CHD1: variants seen among roughly 807,000 people sequenced by gnomAD.
The protein encoded by CHD1 is ATP-dependent chromatin remodeler CHD1.
Under a neutral mutation model 224.2 loss-of-function variants are expected in CHD1, and 36 were observed. That is an observed-to-expected ratio of 0.16 (90% confidence interval 0.12 to 0.21). The LOEUF is 0.21. Ranked by LOEUF, CHD1 falls within the 10% of genes least tolerant of loss-of-function variation. The pLI is 1.00. For synonymous variants in CHD1, 668 were observed against 658.3 expected (o/e 1.01, Z -0.23); for missense variants, 1,378 against 1,994.8 (o/e 0.69, Z 5.89).
At chr5:98,872,307 TCTTC>T in intron 27 of CHD1, 106 bp from the exon 28 acceptor site, 2 of 1,476,694 alleles carry the variant, frequency 1.4e-6, no homozygotes, top group South Asian at 1.3e-5. Flanking sequence ...ATGCTTTATT[TCTTC>T]CTTTTTTTTT....
intron 15 of CHD1, among the ~76,000 whole-genome samples, chr5:98,891,528 G>A (rs1218137696): frequency 2.6e-5 from 4 of 152,076 alleles, no homozygotes; most frequent in Non-Finnish European, 5.9e-5. Flanking sequence ...AGGGAAGCTG[G>A]GGCTGGGCAC....
chr5:98,893,067 C>T (rs1427361890), intron 14 of CHD1, among the ~76,000 whole-genome samples: 1 of 152,076 alleles, frequency 6.6e-6, no homozygotes, highest in Non-Finnish European at 1.5e-5. Flanking sequence ...CTTGTCTAGT[C>T]TAGTTTTCCT....
intron 32 of CHD1, among the ~76,000 whole-genome samples, chr5:98,862,592 T>G (rs888103401): frequency 3.3e-5 from 5 of 152,224 alleles, no homozygotes; most frequent in African/African-American, 1.2e-4. Flanking sequence ...TTGCTCATTT[T>G]TAAATTTACT....
At position 98,855,097 on chromosome 5, in the gene CHD1, T is replaced by C. The variant is rs144756254; in HGVS notation, c.*1283A>G. ...TATTCAACTGCTTACCAAAATACTT[T>C]TTCTGGCAGCAAAATGTTACTTAAA... is the stretch of plus-strand genomic sequence containing the variant. On this transcript the variant is annotated 3_prime_UTR_variant, in exon 36 of 36. Transcript: ENST00000614616. The C allele has an allele frequency of 1.2e-4, 18 of 152,494 alleles. No homozygotes were observed. The East Asian group carries it at 3.1e-3, about 26-fold the overall frequency. The allele number at this position is 152,494 out of a possible 1,614,324, so 9.4% of individuals were successfully genotyped here.
intron 30 of CHD1, 124 bp downstream of exon 30, chr5:98,869,620 GCGCACACACA>G (rs200295858): frequency 0.015 from 10,946 of 753,710 alleles, 142 homozygotes; most frequent in African/African-American, 0.089. Flanking sequence ...GCACGTGCGC[GCGCACACACA>G]CACACACACA....
At position 98,856,775 on chromosome 5, in the gene CHD1, T is replaced by C. The variant is rs760306361; in HGVS notation, c.4788-50A>G. 39 of 1,192,812 alleles carry C rather than the reference T, an allele frequency of 3.3e-5. No homozygotes were observed. The African/African-American group carries it at 5.4e-4, about 17-fold the overall frequency. 73.9% of individuals were successfully genotyped at this position (1,192,812 alleles called of 1,614,324 possible). ...TAGACAAATCATGCAAATTAAAATGTTTCCAAATAAAAGATAACTAAAAAA... is the reference window on the plus strand; with the variant it reads ...TAGACAAATCATGCAAATTAAAATGCTTCCAAATAAAAGATAACTAAAAAA... On this transcript the variant is annotated intron_variant, in intron 35 of 35. Transcript: ENST00000614616.
Position 98,888,227 on chromosome 5 carries a change from C to G in CHD1, c.2357G>C (p.Ser786Thr), listed in dbSNP as rs771575470. The change falls in exon 17 of 36, where the codon AGT (serine) becomes ACT (threonine). Residue 786 changes from serine (S) to threonine (T), a missense_variant. This residue lies in a region of CHD1 where 58 missense variants were observed against 90.0 expected (regional missense o/e 0.64). Transcript: ENST00000614616. Reference protein sequence around the residue: ...KQEALQHLIRSSGKLILLDKL... With the variant: ...KQEALQHLIRTSGKLILLDKL... ...GTCAAGAAGAATCAATTTTCCGCTA[C>G]TACGAATTAAGTGCTACAGAAACAA... 2.5e-6 allele frequency: 4 copies of G among 1,607,562 alleles called. No individual in the cohort carries two copies. The African/African-American group carries it at 5.4e-5, about 22-fold the overall frequency.
intron 28 of CHD1, among the ~76,000 whole-genome samples, chr5:98,871,538 G>A (rs1349348875): frequency 6.6e-6 from 1 of 151,916 alleles, no homozygotes; most frequent in African/African-American, 2.4e-5. Context: ...CAAATATATA[G>A]TTAGATGGAA....
chr5:98,917,713 G>T (rs1382337903), intron 2 of CHD1, among the ~76,000 whole-genome samples: 1 of 152,174 alleles, frequency 6.6e-6, no homozygotes, highest in East Asian at 1.9e-4. Context: ...TGTTTGAATA[G>T]AACTTTGCAC....
chr5:98,870,894 A>G (rs746810749), intron 28 of CHD1, 91 bp from the exon 29 acceptor site: 38 of 586,892 alleles, frequency 6.5e-5, no homozygotes, highest in Non-Finnish European at 9.2e-5. Context: ...AAATATATAT[A>G]TAGTTCACCA....
chr5:98,905,499 T>C (rs1751990677), intron 2 of CHD1, among the ~76,000 whole-genome samples: 3 of 151,024 alleles, frequency 2.0e-5, no homozygotes, highest in Admixed American at 2.0e-4. Flanking sequence ...AAGTAAGAAA[T>C]GTGTGAAGAA....
intron 2 of CHD1, among the ~76,000 whole-genome samples, chr5:98,916,043 T>C (rs1752706989): frequency 1.3e-5 from 2 of 151,790 alleles, no homozygotes; most frequent in Admixed American, 1.3e-4. Context: ...ATACAAAAAA[T>C]TAGCCAGGCA....
intron 30 of CHD1, 62 bp from the exon 31 acceptor site, chr5:98,868,697 T>A: frequency 1.4e-6 from 2 of 1,397,740 alleles, no homozygotes; most frequent in Non-Finnish European, 1.9e-6. Flanking sequence ...GCAAAATGAC[T>A]AACACTTCCA....
At chr5:98,915,390 A>C (rs980917159) in intron 2 of CHD1, among the ~76,000 whole-genome samples, 1 of 151,944 alleles carries the variant, frequency 6.6e-6, no homozygotes, top group Non-Finnish European at 1.5e-5. Context: ...AAAACTGTTA[A>C]AAGTGGAGAG....
chr5:98,860,064 G>A lies in CHD1; in HGVS notation c.4432C>T (p.Leu1478=). The change falls in exon 33 of 36, where the codon CTG becomes TTG. Residue 1478 remains leucine (L), a synonymous_variant. Transcript: ENST00000614616. The part of the protein sequence containing the change: ...PEQIKQWRKN[L]WIFVSKFTEF... ...GTAAACTTAGATACAAAAATCCACA[G>A]GTTTCTAGAAGAATTTAAAAAAAGG... 6.6e-7 allele frequency: 1 copy of A among 1,517,692 alleles called. No individual in the cohort carries two copies. The highest frequency in any genetic ancestry group is 9.1e-7 in the Non-Finnish European group (1 of 1,104,838). 94.0% of individuals were successfully genotyped at this position (1,517,692 alleles called of 1,614,324 possible). A position where few individuals can be genotyped will look rare whatever the true frequency, so the allele number is the denominator to read the frequency against.
At chr5:98,891,760 A>C (rs1052586226) in intron 15 of CHD1, among the ~76,000 whole-genome samples, 21 of 152,292 alleles carry the variant, frequency 1.4e-4, no homozygotes, top group African/African-American at 4.8e-4. Context: ...GCAGTGAGCC[A>C]AGATTGTGCC....
At chr5:98,926,231 GCTAC>G (rs1347914217) in intron 2 of CHD1, 99 bp downstream of exon 2, 1 of 697,298 alleles carries the variant, frequency 1.4e-6, no homozygotes, top group Middle Eastern at 2.4e-4. Context: ...TGAAAACTCT[GCTAC>G]CTATGAGGAA....
chr5:98,869,616 GCGCGCGCACA>G (rs1283408244), intron 30 of CHD1, 128 bp downstream of exon 30: 2 of 737,852 alleles, frequency 2.7e-6, no homozygotes, highest in African/African-American at 1.1e-4. Context: ...GTGCGCACGT[GCGCGCGCACA>G]CACACACACA....
At chr5:98,906,518 A>T (rs1224208188) in intron 2 of CHD1, among the ~76,000 whole-genome samples, 1 of 152,212 alleles carries the variant, frequency 6.6e-6, no homozygotes, top group African/African-American at 2.4e-5. Flanking sequence ...CTTTATTGAG[A>T]ACTATCATGT....
Sources: gnomAD v4.1 joint callset for allele counts (sites outside exome capture counted in the v4.1 genomes callset) on GRCh38, gnomAD v4.1.1 for gene constraint, gnomAD v4.1.1 regional missense constraint, MANE v1.5 for transcripts, NCBI Gene and HGNC (gene_info 2026-07-23, HGNC 2026-07-21) for gene names.